STPG4: variants seen among roughly 807,000 people sequenced by gnomAD.
STPG4 encodes the protein sperm-tail PG-rich repeat containing 4.
A neutral mutation model predicts 31.5 loss-of-function variants in STPG4; 41 were observed. The observed-to-expected ratio is 1.30, with a 90% CI of 1.01 to 1.69. The LOEUF is 1.69. STPG4 is among the 40% of genes most tolerant of loss of function. The probability of loss-of-function intolerance (pLI) is 0.00; values close to 1 mark genes in which losing one functional copy is unlikely to be tolerated. For missense variants in STPG4, 375 were observed against 293.4 expected (o/e 1.28, Z -2.03); for synonymous variants, 141 against 103.0 (o/e 1.37, Z -2.24).
chr2:47,143,551 T>C (rs1335564054), intron 3 of STPG4, among the ~76,000 whole-genome samples: 2 of 151,622 alleles, frequency 1.3e-5, no homozygotes, highest in Admixed American at 6.6e-5. Flanking sequence ...AGTGATGTGA[T>C]CTTGGCTCAC....
intron 5 of STPG4, among the ~76,000 whole-genome samples, chr2:47,093,199 TATCAGCCAAGCACACATCTG>T (rs2103727447): frequency 6.6e-6 from 1 of 152,288 alleles, no homozygotes; most frequent in South Asian, 2.1e-4. Flanking sequence ...AGTCTGTTAT[TATCAGCCAAGCACACATCTG>T]ATAATCAAGG....
chr2:47,100,758 C>T (rs377692687), intron 5 of STPG4, among the ~76,000 whole-genome samples: 25 of 151,594 alleles, frequency 1.6e-4, no homozygotes, highest in African/African-American at 4.1e-4. Flanking sequence ...ACTCCAGACA[C>T]GCCACCTTAA....
At chr2:47,149,280 A>C (rs1038530930) in intron 3 of STPG4, among the ~76,000 whole-genome samples, 1 of 152,176 alleles carries the variant, frequency 6.6e-6, no homozygotes, top group African/African-American at 2.4e-5. Context: ...AAAAACTTTA[A>C]GTATTGTGTA....
In STPG4 at chr2:47,155,193, C is replaced by G; in HGVS notation, c.59G>C (p.Gly20Ala). ...STSIREDLVG[G>A]ESFITASKPA... The stretch of plus-strand genomic sequence containing the variant: ...TACCGAAGCTGTGATGAATGATTCT[C>G]CACCCACCAGGTCTTCCCTTATTGA... The change falls in exon 1 of 7, where the codon GGA (glycine) becomes GCA (alanine). Residue 20 changes from glycine to alanine, a missense_variant. Physicochemically the swap from Gly to Ala is moderately conservative, Grantham distance 60. Coordinates refer to ENST00000445927, the MANE Select transcript of STPG4 (RefSeq NM_001163561.2). 2 of 1,614,154 alleles carry G rather than the reference C, an allele frequency of 1.2e-6. No individual in the cohort carries two copies.
chr2:47,120,611 T>G (rs559058826), intron 5 of STPG4, among the ~76,000 whole-genome samples: 339 of 152,212 alleles, frequency 2.2e-3, no homozygotes, highest in African/African-American at 7.8e-3. Context: ...CAGTTCCCCC[T>G]TATTTGACAT....
At chr2:47,094,536 ACT>A (rs1157856273) in intron 5 of STPG4, among the ~76,000 whole-genome samples, 2 of 152,070 alleles carry the variant, frequency 1.3e-5, no homozygotes, top group Admixed American at 1.3e-4. Context: ...TGAATAAAAT[ACT>A]CTCTTTGGCC....
chr2:47,111,823 G>T (rs11685529), intron 5 of STPG4, among the ~76,000 whole-genome samples: 125,563 of 152,150 alleles, frequency 0.83, 52,598 homozygotes, highest in South Asian at 0.94. Context: ...CGAAAATAAC[G>T]TAAATAGCCA....
chr2:47,132,507 A>G (rs1686505900), intron 3 of STPG4, among the ~76,000 whole-genome samples: 1 of 152,234 alleles, frequency 6.6e-6, no homozygotes, highest in African/African-American at 2.4e-5. Flanking sequence ...TAGAGTGATG[A>G]TAACAGTCAA....
intron 6 of STPG4, among the ~76,000 whole-genome samples, chr2:47,088,006 G>A (rs1054285476): frequency 2.6e-5 from 4 of 152,028 alleles, no homozygotes; most frequent in East Asian, 1.9e-4. Flanking sequence ...GCCCACCTCC[G>A]CCTCCTGAAG....
Position 47,127,321 on chromosome 2 carries a change from C to T in STPG4, c.519+2620G>A, listed in dbSNP as rs369884293. On this transcript the variant is annotated intron_variant, in intron 5 of 6. Transcript: ENST00000445927. Reference sequence around the variant, plus strand: ...TCTTACTCTGTTGCCCAGGCTGGAGCGCAGCAGCACAATCTTGGCTCACTG... The same window carrying T: ...TCTTACTCTGTTGCCCAGGCTGGAGTGCAGCAGCACAATCTTGGCTCACTG... Among the ~76,000 whole-genome samples, 22 of 128,964 alleles carry T rather than the reference C, an allele frequency of 1.7e-4. No homozygotes were observed. In the East Asian group the frequency reaches 2.5e-3, roughly 15 times the overall value. 84.6% of individuals were successfully genotyped at this position (128,964 alleles called of 152,430 possible).
intron 3 of STPG4, among the ~76,000 whole-genome samples, chr2:47,141,476 C>T (rs528056687): frequency 4.0e-5 from 6 of 151,786 alleles, no homozygotes; most frequent in Non-Finnish European, 8.8e-5. Flanking sequence ...TCAAACTTCA[C>T]TTTTGTTTGC....
chr2:47,119,972 C>G (rs958500552), intron 5 of STPG4, among the ~76,000 whole-genome samples: 3 of 152,166 alleles, frequency 2.0e-5, no homozygotes, highest in African/African-American at 7.2e-5. Context: ...CAAGGGCTTA[C>G]AGGTCATAGG....
chr2:47,112,781 A>C (rs1279280159), intron 5 of STPG4, among the ~76,000 whole-genome samples: 1 of 152,110 alleles, frequency 6.6e-6, no homozygotes, highest in East Asian at 1.9e-4. Flanking sequence ...TAGAGAATTA[A>C]AACTTTTTTG....
intron 3 of STPG4, among the ~76,000 whole-genome samples, chr2:47,145,140 C>A (rs1405618174): frequency 6.6e-6 from 1 of 152,172 alleles, no homozygotes; most frequent in East Asian, 1.9e-4. Context: ...TTAATTTTGT[C>A]TAGAGAATGT....
intron 6 of STPG4, among the ~76,000 whole-genome samples, chr2:47,087,465 T>C (rs1273749293): frequency 6.6e-6 from 1 of 152,126 alleles, no homozygotes; most frequent in East Asian, 1.9e-4. Context: ...CCCAGGCAAC[T>C]CCTATCCCGA....
chr2:47,095,601 A>G (rs937143613), intron 5 of STPG4, among the ~76,000 whole-genome samples: 4 of 152,192 alleles, frequency 2.6e-5, no homozygotes, highest in African/African-American at 7.2e-5. Context: ...TGAATACATC[A>G]GTGTTCAGCT....
Position 47,122,832 on chromosome 2 carries a change from G to C in STPG4, c.519+7109C>G, listed in dbSNP as rs967936037. ...TTGTTTGTCTGTTTGTTTTGTTTTT[G>C]TTTTTGTTTTTGAGTCTGAGTCTCA... On this transcript the variant is annotated intron_variant, in intron 5 of 6. Coordinates refer to ENST00000445927, the MANE Select transcript of STPG4 (RefSeq NM_001163561.2). Among the ~76,000 whole-genome samples the C allele has an allele frequency of 1.1e-4, 16 of 147,566 alleles. 1 individual carries two copies. The highest frequency in any genetic ancestry group is 3.9e-4 in the African/African-American group (16 of 40,974).
intron 6 of STPG4, 78 bp downstream of exon 6, chr2:47,090,192 C>T: frequency 1.0e-6 from 1 of 972,440 alleles, no homozygotes; most frequent in Non-Finnish European, 1.6e-6. Context: ...GCACCTCCTA[C>T]ACACATAGAA....
intron 5 of STPG4, among the ~76,000 whole-genome samples, chr2:47,128,516 A>G (rs1181588345): frequency 6.6e-6 from 1 of 152,114 alleles, no homozygotes; most frequent in African/African-American, 2.4e-5. Context: ...CCCAAGCCAG[A>G]AGACAAAGTT....
Sources: gnomAD v4.1 joint callset for allele counts (sites outside exome capture counted in the v4.1 genomes callset) on GRCh38, gnomAD v4.1.1 for gene constraint, MANE v1.5 for transcripts, NCBI Gene and HGNC (gene_info 2026-07-23, HGNC 2026-07-21) for gene names.